The following DDX10 variants were observed in gnomAD, a reference collection of about 807,000 sequenced individuals.
DDX10 encodes probable ATP-dependent RNA helicase DDX10.
A neutral mutation model predicts 104.3 loss-of-function variants in DDX10; 74 were observed. That is an observed-to-expected ratio of 0.71 (90% CI 0.59 to 0.86). DDX10 has a LOEUF of 0.86. Among genes scored for constraint, DDX10 ranks in the 40% least tolerant of loss-of-function variants. DDX10 has a pLI of 0.00. For synonymous variants in DDX10, 351 were observed against 353.4 expected, an observed-to-expected ratio of 0.99 and a Z score of 0.08; for missense variants, 952 against 1,040.0, an observed-to-expected ratio of 0.92 and a Z score of 1.16.
chr11:108,933,747 A>G (rs572126406), intron 17 of DDX10, among the ~76,000 whole-genome samples: 1 of 152,324 alleles, frequency 6.6e-6, no homozygotes, highest in East Asian at 1.9e-4. Flanking sequence ...TTAAATGTCT[A>G]CTTACATACT....
chr11:108,866,268 A>G (rs1199356063), intron 16 of DDX10, among the ~76,000 whole-genome samples: 1 of 152,184 alleles, frequency 6.6e-6, no homozygotes, highest in East Asian at 1.9e-4. Flanking sequence ...TCAGGGAAGT[A>G]TGAAAAGGGA....
Position 108,831,490 on chromosome 11 carries a change from T to C in DDX10, c.1966-6956T>C, listed in dbSNP as rs1018975455. ...TAGGAGTGGCTTCAGCTATAATAGGTAATCTTAAAGATTTTCTCCAGTGTT... is the reference window on the plus strand; with the variant it reads ...TAGGAGTGGCTTCAGCTATAATAGGCAATCTTAAAGATTTTCTCCAGTGTT... On this transcript the variant is annotated intron_variant, in intron 13 of 17. Coordinates refer to ENST00000322536, the MANE Select transcript of DDX10 (RefSeq NM_004398.4). Among the ~76,000 whole-genome samples, 3 of 149,886 alleles carry C rather than the reference T, an allele frequency of 2.0e-5. 1 individual carries two copies. The highest frequency in any genetic ancestry group is 2.0e-4 in the Admixed American group (3 of 15,028).
chr11:108,926,424 C>T (rs1452061538), intron 17 of DDX10, among the ~76,000 whole-genome samples: 1 of 152,050 alleles, frequency 6.6e-6, no homozygotes, highest in African/African-American at 2.4e-5. Context: ...GTATGATGTG[C>T]AGTCTTCTGC....
rs55845865 is a variant in DDX10, at chr11:108,672,062, GAA to G, written c.187-1382_187-1381del. On this transcript the variant is annotated intron_variant, in intron 1 of 17. Transcript: ENST00000322536. The stretch of plus-strand genomic sequence containing the variant: ...GGCGACACAGCGAGACTCCATCTCG[GAA>G]AAAAAAAAAAAAAAAAAAAAAAGGA... Among the ~76,000 whole-genome samples the G allele has an allele frequency of 4.2e-3, 288 of 68,620 alleles. 1 individual carries two copies. The highest frequency in any genetic ancestry group is 0.022 in the East Asian group (50 of 2,258). 45.0% of individuals were successfully genotyped at this position (68,620 alleles called of 152,430 possible).
chr11:108,882,191 AGTTCTCTGAAGTCATTTT>A lies in DDX10; in HGVS notation c.2304+29983_2304+30000del, dbSNP rs1200806836. ...AGATAATCACTCCAAGTAACTTAAG[AGTTCTCTGAAGTCATTTT>A]CTTGCTTTCCTATACCATAAAACCT... On this transcript the variant is annotated intron_variant, in intron 16 of 17. Transcript: ENST00000322536. Among the ~76,000 whole-genome samples, 11 of 152,320 alleles carry A rather than the reference AGTTCTCTGAAGTCATTTT, an allele frequency of 7.2e-5. No homozygotes were observed. The East Asian group carries it at 9.6e-4, about 13-fold the overall frequency.
intron 13 of DDX10, among the ~76,000 whole-genome samples, chr11:108,752,355 G>A (rs2094339766): frequency 6.6e-6 from 1 of 152,092 alleles, no homozygotes; most frequent in South Asian, 2.1e-4. Context: ...AGTGTTTTGG[G>A]TTGCTACTTT....
intron 16 of DDX10, among the ~76,000 whole-genome samples, chr11:108,889,722 C>T (rs1863349557): frequency 6.6e-6 from 1 of 152,080 alleles, no homozygotes; most frequent in Non-Finnish European, 1.5e-5. Flanking sequence ...TGCTATGAGA[C>T]AAGTAGACCA....
chr11:108,831,421 CAAAAAAAAAAAA>C (rs779264219), intron 13 of DDX10, among the ~76,000 whole-genome samples: 1 of 69,824 alleles, frequency 1.4e-5, no homozygotes, highest in Admixed American at 2.0e-4. Context: ...GAGACTGTCT[CAAAAAAAAAAAA>C]AAAAAAAAAA....
intron 13 of DDX10, among the ~76,000 whole-genome samples, chr11:108,749,070 T>TCTC (rs2094335240): frequency 1.3e-5 from 2 of 150,732 alleles, no homozygotes; most frequent in African/African-American, 4.9e-5. Flanking sequence ...CTCTCTCTCT[T>TCTC]TCTCTCTCTC....
Position 108,917,953 on chromosome 11 carries a change from C to T in DDX10, c.2385C>T (p.Leu795=). ...DDDDGFDPST[L]PDPDKYRSSE... ...ATGATGGATTTGATCCAAGCACACT[C>T]CCAGATCCAGATAAATACAGAAGCT... The change falls in exon 17 of 18, where the codon CTC becomes CTT. Residue 795 remains leucine (L), a synonymous_variant. Transcript: ENST00000322536. 6.2e-7 allele frequency: 1 copy of T among 1,613,292 alleles called. No homozygotes were observed.
In DDX10 at chr11:108,679,892, C is replaced by T. The variant is rs187286186; in HGVS notation, c.848+332C>T. On this transcript the variant is annotated intron_variant, in intron 6 of 17. Coordinates refer to ENST00000322536, the MANE Select transcript of DDX10 (RefSeq NM_004398.4). The stretch of plus-strand genomic sequence containing the variant: ...TAGCAAATGGTGAGTCAAAGTGAAA[C>T]AGTTTTATTTCTATTTCTCACAACC... Among the ~76,000 whole-genome samples the T allele has an allele frequency of 2.6e-5, 4 of 152,236 alleles. No homozygotes were observed. The East Asian group carries it at 7.7e-4, about 29-fold the overall frequency.
chr11:108,867,066 A>C (rs907481901), intron 16 of DDX10, among the ~76,000 whole-genome samples: 1 of 152,176 alleles, frequency 6.6e-6, no homozygotes, highest in African/African-American at 2.4e-5. Flanking sequence ...AACCGTGGAA[A>C]TATTATAATA....
At chr11:108,806,123 G>A (rs1295067472) in intron 13 of DDX10, among the ~76,000 whole-genome samples, 2 of 151,878 alleles carry the variant, frequency 1.3e-5, no homozygotes, top group Middle Eastern at 3.2e-3. Context: ...CACCACGCCC[G>A]GCTAGTTTTT....
chr11:108,929,851 A>G (rs1304180258), intron 17 of DDX10: 2 of 152,164 alleles, frequency 1.3e-5, no homozygotes, highest in East Asian at 3.8e-4. Context: ...CTTTTTATTG[A>G]CTTTCTGCCT....
chr11:108,918,047 A>G (rs760709585), intron 17 of DDX10, 29 bp downstream of exon 17: 2 of 1,593,196 alleles, frequency 1.3e-6, no homozygotes, highest in Non-Finnish European at 8.6e-7. Flanking sequence ...TATGAAATAC[A>G]TACTTAGTAC....
intron 16 of DDX10, among the ~76,000 whole-genome samples, chr11:108,909,681 G>A (rs1394593618): frequency 6.6e-6 from 1 of 152,198 alleles, no homozygotes; most frequent in African/African-American, 2.4e-5. Context: ...AGTGTGGGCA[G>A]TCTTGTGGGA....
chr11:108,809,977 C>A (rs1186020128), intron 13 of DDX10, among the ~76,000 whole-genome samples: 2 of 152,096 alleles, frequency 1.3e-5, no homozygotes, highest in African/African-American at 4.8e-5. Context: ...TCCTGCAACC[C>A]TTCTTTTATA....
intron 6 of DDX10, among the ~76,000 whole-genome samples, chr11:108,681,276 T>C (rs1183227117): frequency 6.6e-6 from 1 of 152,190 alleles, no homozygotes; most frequent in Non-Finnish European, 1.5e-5. Flanking sequence ...AAGACTTTGA[T>C]ATTATTTCAC....
intron 13 of DDX10, among the ~76,000 whole-genome samples, chr11:108,810,598 G>A (rs1862166116): frequency 2.0e-5 from 3 of 152,146 alleles, no homozygotes. Flanking sequence ...TTTCTAAAAT[G>A]AGGTTGCTGG....
Sources: allele counts gnomAD v4.1 joint callset (sites outside exome capture counted in the v4.1 genomes callset), GRCh38; gene constraint gnomAD v4.1.1; transcripts MANE v1.5; gene names NCBI Gene and HGNC (gene_info 2026-07-23, HGNC 2026-07-21).